VPS13B: variants seen among roughly 807,000 people sequenced by gnomAD.
VPS13B encodes intermembrane lipid transfer protein VPS13B.
Under a neutral mutation model 426.4 loss-of-function variants are expected in VPS13B, and 285 were observed. The observed-to-expected ratio is 0.67, with a 90% CI of 0.61 to 0.74. The LOEUF (loss-of-function observed/expected upper bound fraction) is 0.74, where lower values mean the gene tolerates loss of function less well. VPS13B is among the 30% of genes least tolerant of loss of function. VPS13B has a pLI of 0.00. For synonymous variants in VPS13B, 1,676 were observed against 1,676.4 expected, an observed-to-expected ratio of 1.00 and a Z score of 0.01; for missense variants, 4,537 against 4,782.6, an observed-to-expected ratio of 0.95 and a Z score of 1.51.
intron 3 of VPS13B, among the ~76,000 whole-genome samples, chr8:99,062,018 T>C (rs553823567): frequency 6.6e-6 from 1 of 152,364 alleles, no homozygotes; most frequent in African/African-American, 2.4e-5. Flanking sequence ...ACCTTAGTTG[T>C]TAAATACTTC....
At chr8:99,325,667 A>T (rs1466345007) in intron 19 of VPS13B, among the ~76,000 whole-genome samples, 1 of 152,176 alleles carries the variant, frequency 6.6e-6, no homozygotes. Context: ...TAGTTCCCTT[A>T]ACATTATTTT....
At chr8:99,594,385 T>C (rs1826881734) in intron 33 of VPS13B, among the ~76,000 whole-genome samples, 1 of 151,940 alleles carries the variant, frequency 6.6e-6, no homozygotes, top group Non-Finnish European at 1.5e-5. Flanking sequence ...TAGAGATTAA[T>C]TGGGAAGCTG....
intron 30 of VPS13B, among the ~76,000 whole-genome samples, chr8:99,536,442 A>G (rs1823227959): frequency 6.6e-6 from 1 of 152,210 alleles, no homozygotes; most frequent in Non-Finnish European, 1.5e-5. Flanking sequence ...AATTCCTAGC[A>G]TATACCCTAA....
chr8:99,773,846 A>G (rs1209141361), intron 40 of VPS13B, among the ~76,000 whole-genome samples: 2 of 152,218 alleles, frequency 1.3e-5, no homozygotes, highest in Non-Finnish European at 2.9e-5. Flanking sequence ...TATAAATATT[A>G]TAAGTTGTGA....
intron 17 of VPS13B, among the ~76,000 whole-genome samples, chr8:99,199,332 C>T (rs965513025): frequency 7.9e-5 from 12 of 152,024 alleles, no homozygotes; most frequent in South Asian, 2.1e-4. Context: ...CCACCACACC[C>T]GGCTAAGATT....
At chr8:99,786,484 A>G (rs1812271652) in intron 43 of VPS13B, among the ~76,000 whole-genome samples, 1 of 152,142 alleles carries the variant, frequency 6.6e-6, no homozygotes, top group Non-Finnish European at 1.5e-5. Context: ...TTGAAGTTTG[A>G]AAAGAAGGGC....
intron 19 of VPS13B, among the ~76,000 whole-genome samples, chr8:99,323,355 C>G (rs994862721): frequency 1.3e-5 from 2 of 152,142 alleles, no homozygotes; most frequent in African/African-American, 4.8e-5. Context: ...GGGAAGGAAA[C>G]TAACAATTAT....
rs371265348 is a variant in VPS13B at position 99,746,517 on chromosome 8, C to T, written c.7051-20257C>T. ...CTGCCGTTATTGAGCAAGTTCTGTGCGCCAGAAATTCTGCTTAACAGTTTA... is the reference window on the plus strand; with the variant it reads ...CTGCCGTTATTGAGCAAGTTCTGTGTGCCAGAAATTCTGCTTAACAGTTTA... On this transcript the variant is annotated intron_variant, in intron 39 of 61. Coordinates refer to ENST00000357162, the MANE Select transcript of VPS13B (RefSeq NM_152564.5). Among the ~76,000 whole-genome samples the T allele has an allele frequency of 7.2e-5, 11 of 152,104 alleles. No homozygotes were observed. In the South Asian group the frequency reaches 8.3e-4, roughly 11 times the overall value.
At chr8:99,063,964 T>A (rs758862475) in intron 3 of VPS13B, among the ~76,000 whole-genome samples, 16 of 152,058 alleles carry the variant, frequency 1.1e-4, no homozygotes, top group Admixed American at 4.6e-4. Flanking sequence ...GGGTCTGGAG[T>A]GAACCTCCAG....
chr8:99,447,902 C>A (rs945111522), intron 23 of VPS13B, among the ~76,000 whole-genome samples: 6 of 151,684 alleles, frequency 4.0e-5, no homozygotes, highest in African/African-American at 1.4e-4. Flanking sequence ...TATAAAAGGA[C>A]CGATATATAG....
chr8:99,557,925 C>A (rs918108182), intron 31 of VPS13B, among the ~76,000 whole-genome samples: 2 of 152,116 alleles, frequency 1.3e-5, no homozygotes, highest in African/African-American at 2.4e-5. Context: ...AATTATTTTT[C>A]TTCTGCTTTT....
chr8:99,376,931 T>C (rs1813522259), intron 19 of VPS13B, among the ~76,000 whole-genome samples: 1 of 152,078 alleles, frequency 6.6e-6, no homozygotes, highest in Admixed American at 6.5e-5. Flanking sequence ...TTTCTTTCTT[T>C]ACTGTTTTTT....
At position 99,661,346 on chromosome 8, in the gene VPS13B, C is replaced by T. The variant is rs369342604; in HGVS notation, c.5909-8C>T. On this transcript the variant is annotated splice_polypyrimidine_tract_variant and splice_region_variant and intron_variant, in intron 34 of 61. Coordinates refer to ENST00000357162, the MANE Select transcript of VPS13B (RefSeq NM_152564.5). ...CTGATGTTTTTAATTTCAATTTTGT[C>T]ACTTTAGATCCTGGGAAGACTCTGC... The T allele has an allele frequency of 1.9e-6, 3 of 1,613,290 alleles. No individual in the cohort carries two copies. In the African/African-American group the frequency reaches 4.0e-5, roughly 22 times the overall value.
At chr8:99,524,628 A>G (rs1183923089) in intron 30 of VPS13B, among the ~76,000 whole-genome samples, 1 of 152,182 alleles carries the variant, frequency 6.6e-6, no homozygotes, top group Non-Finnish European at 1.5e-5. Context: ...CTTCGTCTCT[A>G]TAAAAAAACT....
chr8:99,517,521 A>G (rs1388628904), intron 29 of VPS13B, among the ~76,000 whole-genome samples: 1 of 152,172 alleles, frequency 6.6e-6, no homozygotes, highest in African/African-American at 2.4e-5. Context: ...AAAAAAATTG[A>G]ACATTCTACT....
intron 3 of VPS13B, among the ~76,000 whole-genome samples, chr8:99,060,910 G>T (rs1844148129): frequency 6.6e-6 from 1 of 152,100 alleles, no homozygotes; most frequent in African/African-American, 2.4e-5. Flanking sequence ...ATCAAGACAA[G>T]GAAGGCTTTA....
intron 24 of VPS13B, among the ~76,000 whole-genome samples, chr8:99,481,270 GT>G (rs1820021108): frequency 6.6e-6 from 1 of 152,090 alleles, no homozygotes; most frequent in Admixed American, 6.5e-5. Context: ...GAACGCCTTT[GT>G]TTTTTAATTT....
intron 61 of VPS13B, among the ~76,000 whole-genome samples, chr8:99,872,631 TA>T (rs1386814220): frequency 6.6e-6 from 1 of 152,214 alleles, no homozygotes; most frequent in Non-Finnish European, 1.5e-5. Context: ...CATGAGATCC[TA>T]ATTATTTACC....
At chr8:99,516,704 A>G (rs1313393657) in intron 29 of VPS13B, among the ~76,000 whole-genome samples, 1 of 140,792 alleles carries the variant, frequency 7.1e-6, no homozygotes, top group Non-Finnish European at 1.5e-5. Context: ...GGGAGAATTA[A>G]TTGAGTCCAG....
Sources: allele counts gnomAD v4.1 joint callset (sites outside exome capture counted in the v4.1 genomes callset), GRCh38; gene constraint gnomAD v4.1.1; transcripts MANE v1.5; gene names NCBI Gene and HGNC (gene_info 2026-07-23, HGNC 2026-07-21).